NYX: variants seen among roughly 807,000 people sequenced by gnomAD.
The protein encoded by NYX is leucine-rich repeat protein.
For synonymous variants in NYX, 258 were observed against 245.7 expected (o/e 1.05, Z -0.47); for missense variants, 481 against 485.4 (o/e 0.99, Z 0.09).
At position 41,474,629 on chromosome X, in the gene NYX, G is replaced by C. The variant is rs2064382114; in HGVS notation, c.1161G>C (p.Leu387=). 8.3e-7 allele frequency: 1 copy of C among 1,198,185 alleles called. No homozygotes were observed. The change falls in exon 3 of 3, where the codon CTG becomes CTC. Residue 387 remains leucine, a synonymous_variant. Transcript: ENST00000378220. ...GCCTCTGTGTGGACCCCGAGGAGCTGAACCTCACCACGTCCAGTCCAGGCC... is the reference window on the plus strand; with the variant it reads ...GCCTCTGTGTGGACCCCGAGGAGCTCAACCTCACCACGTCCAGTCCAGGCC... ...SDGLCVDPEE[L]NLTTSSPGPS... is the part of the protein sequence containing the mutation.
At chrX:41,466,558 A>AC (rs2064338906) in intron 2 of NYX, among the ~76,000 whole-genome samples, 2 of 86,038 alleles carry the variant, frequency 2.3e-5, no homozygotes, top group South Asian at 1.5e-3. Context: ...GTGCTTTAAA[A>AC]CAATTTTTTT....
In NYX at chrX:41,474,182, C is replaced by G; in HGVS notation, c.714C>G (p.Ala238=). ...TGCTGCTCAACGACAACCTGCTGGC[C>G]GAGCTCCCGGCCGACGCCTTCCGCG... is the stretch of plus-strand genomic sequence containing the variant. ...EHLLLNDNLL[A]ELPADAFRGL... The change falls in exon 3 of 3, where the codon GCC becomes GCG. Residue 238 remains alanine, a synonymous_variant. Coordinates refer to ENST00000378220, the MANE Select transcript of NYX (RefSeq NM_001378477.3). The G allele has an allele frequency of 3.5e-6, 4 of 1,159,249 alleles. No homozygotes were observed. Among genetic ancestry groups the G allele is most frequent in the African/African-American group, 1.8e-5 (1 of 56,858 alleles).
chrX:41,473,095 G>A (rs1452618544), intron 2 of NYX, among the ~76,000 whole-genome samples: 1 of 112,127 alleles, frequency 8.9e-6, no homozygotes, highest in Non-Finnish European at 1.9e-5. Flanking sequence ...ACTGCGACCG[G>A]TCAGCTTTTA....
At chrX:41,452,567 A>T (rs772207899) in intron 2 of NYX, among the ~76,000 whole-genome samples, 2 of 111,313 alleles carry the variant, frequency 1.8e-5, no homozygotes, top group East Asian at 5.6e-4. Context: ...GTACAGATTG[A>T]CTGGTTAGTT....
At chrX:41,458,606 A>G (rs1472939710) in intron 2 of NYX, among the ~76,000 whole-genome samples, 1 of 109,416 alleles carries the variant, frequency 9.1e-6, no homozygotes, top group East Asian at 2.9e-4. Flanking sequence ...AGCTGGGACT[A>G]CAGGTGCGTG....
chrX:41,451,450 A>T (rs1278599457), intron 2 of NYX, among the ~76,000 whole-genome samples: 2 of 111,976 alleles, frequency 1.8e-5, no homozygotes, highest in Non-Finnish European at 3.8e-5. Context: ...AATAGAAAGG[A>T]ATGATCAACT....
chrX:41,458,744 G>A (rs920612122), intron 2 of NYX, among the ~76,000 whole-genome samples: 3 of 104,953 alleles, frequency 2.9e-5, no homozygotes, highest in Non-Finnish European at 5.9e-5. Flanking sequence ...TGGGATTACA[G>A]GCATGAGCCA....
chrX:41,475,062 G>A lies in NYX; in HGVS notation c.*163G>A. The A allele has an allele frequency of 2.0e-6, 1 of 491,333 alleles. No individual in the cohort carries two copies. Among genetic ancestry groups the A allele is most frequent in the Non-Finnish European group, 3.6e-6 (1 of 279,949 alleles). 40.5% of individuals were successfully genotyped at this position (491,333 alleles called of 1,213,427 possible). A position where few individuals can be genotyped will look rare whatever the true frequency, so the allele number is the denominator to read the frequency against. On this transcript the variant is annotated 3_prime_UTR_variant, in exon 3 of 3. Coordinates refer to ENST00000378220, the MANE Select transcript of NYX (RefSeq NM_001378477.3). ...GGGAGAACACAGGGACGTGCCACTC[G>A]AGGGGGAGGATGGTATGGATTTCTG...
At chrX:41,455,903 T>C (rs1219790020) in intron 2 of NYX, among the ~76,000 whole-genome samples, 2 of 111,974 alleles carry the variant, frequency 1.8e-5, no homozygotes, top group Non-Finnish European at 3.8e-5. Flanking sequence ...ATTTTTTCAT[T>C]TGGATTCAGC....
chrX:41,460,582 A>T (rs929583764), intron 2 of NYX, among the ~76,000 whole-genome samples: 5 of 111,706 alleles, frequency 4.5e-5, no homozygotes, highest in Admixed American at 1.9e-4. Flanking sequence ...ATTTTTACTT[A>T]GTTGTCTTTT....
At chrX:41,459,597 C>T (rs1302145535) in intron 2 of NYX, among the ~76,000 whole-genome samples, 1 of 106,599 alleles carries the variant, frequency 9.4e-6, no homozygotes, top group Non-Finnish European at 1.9e-5. Context: ...CCAGGCTGGG[C>T]AACAGAGCAA....
chrX:41,467,955 G>C (rs1040479419), intron 2 of NYX, among the ~76,000 whole-genome samples: 3 of 111,624 alleles, frequency 2.7e-5, no homozygotes, highest in African/African-American at 9.8e-5. Context: ...CACTGTACCC[G>C]GCCTTGACTT....
chrX:41,457,128 G>A (rs1024908741), intron 2 of NYX, among the ~76,000 whole-genome samples: 15 of 110,556 alleles, frequency 1.4e-4, no homozygotes, highest in African/African-American at 4.9e-4. Flanking sequence ...GCAACATGGT[G>A]AAACCCCATC....
Position 41,474,464 on chromosome X carries a change from G to T in NYX, c.996G>T (p.Pro332=). The change falls in exon 3 of 3, where the codon CCG becomes CCT. Residue 332 remains proline, a synonymous_variant. Coordinates refer to ENST00000378220, the MANE Select transcript of NYX (RefSeq NM_001378477.3). ...GCCGCCTCTTCCTCTTCCGCAACCCGTGGTGCTGCGACTGCCGTCTGGAGT... is the reference window on the plus strand; with the variant it reads ...GCCGCCTCTTCCTCTTCCGCAACCCTTGGTGCTGCGACTGCCGTCTGGAGT... ...FLGRLFLFRN[P]WCCDCRLEWL... is the part of the protein sequence containing the mutation. 1 of 1,209,063 alleles carries T rather than the reference G, an allele frequency of 8.3e-7. No homozygotes were observed.
chrX:41,471,630 AG>A (rs2064360388), intron 2 of NYX, among the ~76,000 whole-genome samples: 1 of 111,405 alleles, frequency 9.0e-6, no homozygotes, highest in Non-Finnish European at 1.9e-5. Context: ...GAGTTCCTCC[AG>A]ACCCCCAATA....
chrX:41,474,820 G>A lies in NYX; in HGVS notation c.1352G>A (p.Arg451Gln), dbSNP rs1406426844. The A allele has an allele frequency of 1.7e-6, 2 of 1,204,959 alleles. No homozygotes were observed. Among genetic ancestry groups the A allele is most frequent in the Non-Finnish European group, 2.2e-6 (2 of 893,075 alleles). The change falls in exon 3 of 3, where the codon CGG becomes CAG. Residue 451 changes from arginine to glutamine, a missense_variant. Transcript: ENST00000378220. Reference sequence around the variant, plus strand: ...TCCCGTGGGGTGGGAGGCGCGGGCCGGCAGCCCTGGTTTCTCCTCGCCTCT... The same window carrying A: ...TCCCGTGGGGTGGGAGGCGCGGGCCAGCAGCCCTGGTTTCTCCTCGCCTCT... ...LSSRGVGGAG[R>Q]QPWFLLASCL...
At chrX:41,464,666 C>CGTGCGTGTGTGT (rs2064332089) in intron 2 of NYX, among the ~76,000 whole-genome samples, 1 of 49,760 alleles carries the variant, frequency 2.0e-5, no homozygotes, top group Admixed American at 2.6e-4. Flanking sequence ...TATGATGGGC[C>CGTGCGTGTGTGT]GTGCGTGTGT....
chrX:41,460,178 T>C (rs1243754194), intron 2 of NYX, among the ~76,000 whole-genome samples: 1 of 108,831 alleles, frequency 9.2e-6, no homozygotes, highest in East Asian at 2.8e-4. Flanking sequence ...TCTTTTTTTT[T>C]TTTTTTTGAG....
chrX:41,466,026 T>C (rs2147020523), intron 2 of NYX, among the ~76,000 whole-genome samples: 1 of 111,600 alleles, frequency 9.0e-6, no homozygotes, highest in African/African-American at 3.2e-5. Flanking sequence ...TTTTTCCATG[T>C]TTTCCCTCCT....
Sources: allele counts gnomAD v4.1 joint callset (sites outside exome capture counted in the v4.1 genomes callset), GRCh38; gene constraint gnomAD v4.1.1; transcripts MANE v1.5; gene names NCBI Gene and HGNC (gene_info 2026-07-23, HGNC 2026-07-21).